Variants in TPX2 observed in about 807,000 individuals in gnomAD.
The protein encoded by TPX2 is targeting protein for Xklp2.
In TPX2, 21 loss-of-function variants were observed where a neutral mutation model predicts 93.6. The observed-to-expected ratio is 0.22, with a 90% CI of 0.16 to 0.32. The LOEUF (loss-of-function observed/expected upper bound fraction) is 0.32, where lower values mean the gene tolerates loss of function less well. Ranked by LOEUF, TPX2 falls within the 10% of genes least tolerant of loss-of-function variation. The probability of loss-of-function intolerance (pLI) is 1.00; values close to 1 mark genes in which losing one functional copy is unlikely to be tolerated. For missense variants in TPX2, 776 were observed against 871.1 expected (o/e 0.89, Z 1.37); for synonymous variants, 281 against 298.3 (o/e 0.94, Z 0.60).
chr20:31,762,927 A>G (rs1190461719), intron 4 of TPX2, among the ~76,000 whole-genome samples: 1 of 152,182 alleles, frequency 6.6e-6, no homozygotes, highest in Non-Finnish European at 1.5e-5. Flanking sequence ...TATTGAAAAG[A>G]CTGTCCCTCC....
chr20:31,783,887 G>C lies in TPX2; in HGVS notation c.1379G>C (p.Arg460Thr), dbSNP rs780897205. ...GATGAACACTTTGAATTTCATTCCA[G>C]ACCTTGCCCTACTAAGATTTTGGAA... is the stretch of plus-strand genomic sequence containing the variant. ...TEDEHFEFHS[R>T]PCPTKILEDV... Residue 460 changes from arginine to threonine, a missense_variant, in exon 12 of 18, where the codon AGA becomes ACA. By Grantham distance (71) the Arg-to-Thr change is moderately conservative. This residue lies in a region of TPX2 where 461 missense variants were observed against 551.2 expected (regional missense o/e 0.84). Coordinates refer to ENST00000300403, the MANE Select transcript of TPX2 (RefSeq NM_012112.5). 7 of 1,612,318 alleles carry C rather than the reference G, an allele frequency of 4.3e-6. No individual in the cohort carries two copies. The South Asian group carries it at 5.5e-5, about 13-fold the overall frequency.
intron 3 of TPX2, among the ~76,000 whole-genome samples, chr20:31,758,264 C>T (rs1041608966): frequency 4.0e-5 from 6 of 150,938 alleles, no homozygotes; most frequent in African/African-American, 1.2e-4. Context: ...GGATTACAGG[C>T]GCCCACCAGC....
chr20:31,789,212 A>G (rs1033037956), intron 12 of TPX2, among the ~76,000 whole-genome samples: 1 of 152,162 alleles, frequency 6.6e-6, no homozygotes. Context: ...TTAAATCTTC[A>G]TTGTCTCTTT....
At chr20:31,766,350 G>A (rs1204234061) in intron 4 of TPX2, among the ~76,000 whole-genome samples, 1 of 151,862 alleles carries the variant, frequency 6.6e-6, no homozygotes, top group African/African-American at 2.4e-5. Flanking sequence ...CTGGCAAATA[G>A]GCAAGCCCTG....
At chr20:31,775,507 C>G (rs2123037769) in intron 7 of TPX2, among the ~76,000 whole-genome samples, 1 of 151,978 alleles carries the variant, frequency 6.6e-6, no homozygotes, top group Non-Finnish European at 1.5e-5. Flanking sequence ...TCCCCAGTAG[C>G]TAGAATTACA....
At chr20:31,797,838 T>C (rs1826815552) in intron 16 of TPX2, among the ~76,000 whole-genome samples, 1 of 152,136 alleles carries the variant, frequency 6.6e-6, no homozygotes, top group African/African-American at 2.4e-5. Context: ...CTTTCTGGAA[T>C]TCACCCTGAA....
Position 31,778,830 on chromosome 20 carries a change from A to T in TPX2, c.900A>T (p.Gly300=), listed in dbSNP as rs200414300. ...HPSSPARVTK[G]CTIVKPFNLS... ...CTTTACAGGCCCGAGTGACTAAGGG[A>T]TGTACCATTGTTAAGCCTTTCAACC... is the stretch of plus-strand genomic sequence containing the variant. Residue 300 remains glycine (G), a synonymous_variant, in exon 10 of 18, where the codon GGA becomes GGT. Coordinates refer to ENST00000300403, the MANE Select transcript of TPX2 (RefSeq NM_012112.5). 2 of 1,592,238 alleles carry T rather than the reference A, an allele frequency of 1.3e-6. No individual in the cohort carries two copies. The highest frequency in any genetic ancestry group is 2.7e-5 in the African/African-American group (2 of 73,848).
At chr20:31,746,567 G>A (rs988736788) in intron 2 of TPX2, among the ~76,000 whole-genome samples, 5 of 152,126 alleles carry the variant, frequency 3.3e-5, no homozygotes, top group African/African-American at 1.2e-4. Context: ...CTCTTTAATA[G>A]AAATAGGCAA....
chr20:31,771,812 T>A (rs1400493560), intron 7 of TPX2, 130 bp downstream of exon 7: 1 of 1,035,440 alleles, frequency 9.7e-7, no homozygotes, highest in Non-Finnish European at 1.4e-6. Flanking sequence ...GGTGAATTGT[T>A]ACATGTGTCC....
In TPX2 at chr20:31,781,253, C is replaced by CTT. The variant is rs1007150417; in HGVS notation, c.1055-976_1055-975dup. On this transcript the variant is annotated intron_variant, in intron 10 of 17. Coordinates refer to ENST00000300403, the MANE Select transcript of TPX2 (RefSeq NM_012112.5). ...CTTGGTCTTTAGGAAGGCCTTATAT[C>CTT]TTTTTTTTTTTTTTTTTTTTTGAGA... Among the ~76,000 whole-genome samples, 161 of 116,744 alleles carry CTT rather than the reference C, an allele frequency of 1.4e-3. 1 individual carries two copies. Among genetic ancestry groups the CTT allele is most frequent in the African/African-American group, 2.3e-3 (63 of 27,468 alleles). The allele number at this position is 116,744 out of a possible 152,430, so 76.6% of individuals were successfully genotyped here.
intron 4 of TPX2, among the ~76,000 whole-genome samples, chr20:31,763,544 T>G (rs1171727363): frequency 6.6e-6 from 1 of 152,064 alleles, no homozygotes; most frequent in Non-Finnish European, 1.5e-5. Context: ...TTCCATCAAT[T>G]AGAGAGAGAG....
At position 31,771,610 on chromosome 20, in the gene TPX2, C is replaced by T; in HGVS notation, c.536C>T (p.Thr179Ile). Reference sequence around the variant, plus strand: ...GAAGAAGGCAGTGCTCATCAAGATACTGCTGAAAAGAATGCATCTTCCCCA... The same window carrying T: ...GAAGAAGGCAGTGCTCATCAAGATATTGCTGAAAAGAATGCATCTTCCCCA... ...PEEEGSAHQD[T>I]AEKNASSPEK... Residue 179 changes from threonine (T) to isoleucine (I), a missense_variant, in exon 7 of 18, where the codon ACT becomes ATT. Physicochemically the swap from Thr to Ile is moderately conservative, Grantham distance 89 (BLOSUM62 -1). Around this residue, in one of 3 missense-constraint regions of TPX2, gnomAD observed 279 missense variants for 261.6 expected, o/e 1.07. Transcript: ENST00000300403. 6.2e-7 allele frequency: 1 copy of T among 1,613,972 alleles called. No individual in the cohort carries two copies. Among genetic ancestry groups the T allele is most frequent in the Non-Finnish European group, 8.5e-7 (1 of 1,179,954 alleles).
intron 1 of TPX2, among the ~76,000 whole-genome samples, chr20:31,740,891 AG>A (rs1422973870): frequency 1.3e-5 from 2 of 152,234 alleles, no homozygotes; most frequent in Non-Finnish European, 2.9e-5. Flanking sequence ...TTGAGTAGGC[AG>A]GAAGGCACTA....
At chr20:31,763,185 G>T (rs900739215) in intron 4 of TPX2, among the ~76,000 whole-genome samples, 4 of 151,586 alleles carry the variant, frequency 2.6e-5, no homozygotes, top group African/African-American at 4.9e-5. Flanking sequence ...TGAATTTTAG[G>T]TTTTTTTTCT....
chr20:31,745,240 A>C (rs975570974), intron 2 of TPX2, among the ~76,000 whole-genome samples: 5 of 152,204 alleles, frequency 3.3e-5, no homozygotes, highest in Non-Finnish European at 7.3e-5. Context: ...TGCATGGTGC[A>C]AAAATCAAAA....
intron 10 of TPX2, chr20:31,781,006 A>C (rs887147264): frequency 1.1e-5 from 4 of 374,164 alleles, no homozygotes; most frequent in African/African-American, 8.9e-5. Context: ...TTCAGTGTCC[A>C]ACTCCTGGGC....
intron 16 of TPX2, 45 bp from the exon 17 acceptor site, chr20:31,798,320 C>T: frequency 6.2e-7 from 1 of 1,611,832 alleles, no homozygotes; most frequent in East Asian, 2.2e-5. Flanking sequence ...TAGGTTTATG[C>T]AAGTCCTGCT....
intron 5 of TPX2, among the ~76,000 whole-genome samples, chr20:31,768,548 A>G (rs1454656891): frequency 6.6e-6 from 1 of 152,000 alleles, no homozygotes; most frequent in Non-Finnish European, 1.5e-5. Flanking sequence ...CCCGGCCGGA[A>G]AGATTTCTTA....
chr20:31,782,575 C>T (rs1343926250), intron 11 of TPX2, among the ~76,000 whole-genome samples, 185 bp downstream of exon 11: 1 of 152,016 alleles, frequency 6.6e-6, no homozygotes, highest in Non-Finnish European at 1.5e-5. Flanking sequence ...TGGAGATGTT[C>T]TGGAGTATAA....
Sources: allele counts gnomAD v4.1 joint callset (sites outside exome capture counted in the v4.1 genomes callset), GRCh38; gene constraint gnomAD v4.1.1; regional missense constraint gnomAD v4.1.1; transcripts MANE v1.5; gene names NCBI Gene and HGNC (gene_info 2026-07-23, HGNC 2026-07-21).